Variants in SLC10A7 observed in about 807,000 individuals in gnomAD.
The protein encoded by SLC10A7 is sodium/bile acid cotransporter 7.
SLC10A7 carries 29 observed loss-of-function variants against 43.2 expected under a neutral mutation model. The observed-to-expected ratio is 0.67, with a 90% CI of 0.50 to 0.92. The LOEUF (loss-of-function observed/expected upper bound fraction) is 0.92. Ranked by LOEUF, SLC10A7 falls within the 40% of genes least tolerant of loss-of-function variation. SLC10A7 has a pLI of 0.00. For missense variants in SLC10A7, 295 were observed against 403.2 expected, an observed-to-expected ratio of 0.73 and a Z score of 2.30; for synonymous variants, 152 against 144.8, an observed-to-expected ratio of 1.05 and a Z score of -0.35.
chr4:146,474,070 C>A (rs1560943930), intron 4 of SLC10A7, among the ~76,000 whole-genome samples: 1 of 151,554 alleles, frequency 6.6e-6, no homozygotes. Flanking sequence ...AAGTAAATAT[C>A]CTCCTTATGT....
chr4:146,492,062 CA>C (rs994812257), intron 4 of SLC10A7, among the ~76,000 whole-genome samples: 1 of 151,084 alleles, frequency 6.6e-6, no homozygotes, highest in Non-Finnish European at 1.5e-5. Context: ...CTAAAAATAC[CA>C]AAAAAAATTA....
intron 6 of SLC10A7, among the ~76,000 whole-genome samples, chr4:146,324,083 A>G (rs1013133519): frequency 1.8e-4 from 28 of 152,230 alleles, no homozygotes; most frequent in African/African-American, 6.8e-4. Context: ...ATTGCTTCAA[A>G]GAGAATAAAA....
intron 6 of SLC10A7, 46 bp from the exon 7 acceptor site, chr4:146,306,055 T>A (rs1731548949): frequency 6.8e-7 from 1 of 1,477,670 alleles, no homozygotes; most frequent in Non-Finnish European, 9.2e-7. Flanking sequence ...AAATCAGTTA[T>A]CAAGCATTAG....
intron 10 of SLC10A7, among the ~76,000 whole-genome samples, chr4:146,268,729 C>T (rs1245565137): frequency 6.6e-6 from 1 of 152,144 alleles, no homozygotes; most frequent in African/African-American, 2.4e-5. Context: ...TAGAAATTTG[C>T]TCAAAGCCAC....
chr4:146,433,355 T>C (rs1232147158), intron 5 of SLC10A7, among the ~76,000 whole-genome samples: 2 of 151,638 alleles, frequency 1.3e-5, no homozygotes, highest in African/African-American at 4.8e-5. Context: ...GAAACCAAAG[T>C]AACCATCTCA....
chr4:146,439,366 G>A (rs1560907945), intron 5 of SLC10A7, among the ~76,000 whole-genome samples: 1 of 152,030 alleles, frequency 6.6e-6, no homozygotes, highest in Non-Finnish European at 1.5e-5. Context: ...TGCTCTCAGA[G>A]TTCTTTCTTC....
At chr4:146,398,025 A>G (rs1441048506) in intron 5 of SLC10A7, among the ~76,000 whole-genome samples, 1 of 152,216 alleles carries the variant, frequency 6.6e-6, no homozygotes, top group Non-Finnish European at 1.5e-5. Context: ...CAAGTGTCCA[A>G]AGATTTATTG....
At chr4:146,423,149 T>A (rs1233314690) in intron 5 of SLC10A7, among the ~76,000 whole-genome samples, 2 of 152,158 alleles carry the variant, frequency 1.3e-5, no homozygotes, top group Non-Finnish European at 1.5e-5. Flanking sequence ...TATATACATA[T>A]TTCTAAATGT....
intron 9 of SLC10A7, among the ~76,000 whole-genome samples, 169 bp downstream of exon 9, chr4:146,292,760 T>G (rs4516736): frequency 6.6e-6 from 1 of 152,038 alleles, no homozygotes; most frequent in Admixed American, 6.5e-5. Context: ...CCCTTTGTAA[T>G]GTCTACAATT....
intron 10 of SLC10A7, among the ~76,000 whole-genome samples, chr4:146,281,376 C>T (rs72727995): frequency 0.082 from 12,197 of 148,838 alleles, 661 homozygotes; most frequent in Non-Finnish European, 0.12. Flanking sequence ...TTAAAAGTAT[C>T]CCAGAACTTG....
intron 5 of SLC10A7, among the ~76,000 whole-genome samples, chr4:146,388,769 C>CAA (rs55716882): frequency 0.57 from 83,835 of 148,268 alleles, 23,942 homozygotes; most frequent in East Asian, 0.78. Flanking sequence ...AAAACAACAA[C>CAA]AACAAAAAAA....
chr4:146,295,468 T>G (rs1320658588), intron 7 of SLC10A7, among the ~76,000 whole-genome samples: 1 of 152,154 alleles, frequency 6.6e-6, no homozygotes, highest in Non-Finnish European at 1.5e-5. Context: ...TCCCAAACCA[T>G]AGTAATTTAT....
At chr4:146,305,758 A>G (rs1335941565) in intron 7 of SLC10A7, among the ~76,000 whole-genome samples, 168 bp downstream of exon 7, 1 of 152,080 alleles carries the variant, frequency 6.6e-6, no homozygotes, top group Non-Finnish European at 1.5e-5. Flanking sequence ...ATTAATTTAA[A>G]AAATAAAAAA....
At chr4:146,428,736 T>G (rs1477509253) in intron 5 of SLC10A7, among the ~76,000 whole-genome samples, 38 of 152,158 alleles carry the variant, frequency 2.5e-4, no homozygotes. Context: ...GATTAAAGTA[T>G]GTATTTCACA....
intron 4 of SLC10A7, among the ~76,000 whole-genome samples, chr4:146,481,207 G>T (rs1734444558): frequency 6.6e-6 from 1 of 152,110 alleles, no homozygotes; most frequent in Non-Finnish European, 1.5e-5. Flanking sequence ...CCATCCCAAG[G>T]ATTCAGAGCC....
At chr4:146,421,275 C>A (rs1280309678) in intron 5 of SLC10A7, among the ~76,000 whole-genome samples, 2 of 152,138 alleles carry the variant, frequency 1.3e-5, no homozygotes, top group African/African-American at 4.8e-5. Context: ...TTAATATTAA[C>A]TGTCTAAATA....
chr4:146,367,096 T>C (rs1161044334), intron 5 of SLC10A7, among the ~76,000 whole-genome samples: 6 of 152,180 alleles, frequency 3.9e-5, no homozygotes, highest in Non-Finnish European at 7.3e-5. Context: ...GAATAATGTA[T>C]AGATTTGTGA....
chr4:146,320,236 C>A (rs1362115845), intron 6 of SLC10A7, among the ~76,000 whole-genome samples: 1 of 151,956 alleles, frequency 6.6e-6, no homozygotes, highest in Non-Finnish European at 1.5e-5. Context: ...GGTACATATG[C>A]AGGAAGGTGA....
intron 10 of SLC10A7, among the ~76,000 whole-genome samples, chr4:146,263,237 T>G (rs1027208276): frequency 6.6e-6 from 1 of 152,216 alleles, no homozygotes; most frequent in Non-Finnish European, 1.5e-5. Context: ...TTCCACTCCA[T>G]GCTTACCTAC....
Sources: allele counts gnomAD v4.1 joint callset (sites outside exome capture counted in the v4.1 genomes callset), GRCh38; gene constraint gnomAD v4.1.1; transcripts MANE v1.5; gene names NCBI Gene and HGNC (gene_info 2026-07-23, HGNC 2026-07-21).